Variants in TNRC6B observed in about 807,000 individuals in gnomAD.
TNRC6B encodes the protein trinucleotide repeat-containing gene 6B protein.
In TNRC6B, 52 loss-of-function variants were observed where a neutral mutation model predicts 203.6. The observed-to-expected ratio is 0.26, with a 90% CI of 0.20 to 0.32. The LOEUF (loss-of-function observed/expected upper bound fraction) is 0.32, where lower values mean the gene tolerates loss of function less well. Among genes scored for constraint, TNRC6B ranks in the 10% least tolerant of loss-of-function variants. The probability of loss-of-function intolerance (pLI) is 1.00; values close to 1 mark genes in which losing one functional copy is unlikely to be tolerated. For missense variants in TNRC6B, 1,923 were observed against 2,286.2 expected (o/e 0.84, Z 3.24); for synonymous variants, 838 against 845.7 (o/e 0.99, Z 0.16).
chr22:40,323,014 G>C lies in TNRC6B; in HGVS notation c.5275G>C (p.Val1759Leu). 1 of 1,605,492 alleles carries C rather than the reference G, an allele frequency of 6.2e-7. No individual in the cohort carries two copies. The highest frequency in any genetic ancestry group is 8.5e-7 in the Non-Finnish European group (1 of 1,175,720). ...LETGQNQSDP[V>L]GPALNLFGGS... ...GACCGGCCAGAACCAGTCAGATCCC[G>C]TGGGACCTGCTCTGAATCTTTTTGG... Residue 1759 changes from valine (V) to leucine (L), a missense_variant, in exon 23 of 23, where the codon GTG becomes CTG. By Grantham distance (32) the Val-to-Leu change is conservative (BLOSUM62 1). Coordinates refer to ENST00000454349, the MANE Select transcript of TNRC6B (RefSeq NM_001162501.2).
At chr22:40,172,047 T>C (rs1293915060) in intron 4 of TNRC6B, among the ~76,000 whole-genome samples, 3 of 151,948 alleles carry the variant, frequency 2.0e-5, no homozygotes, top group African/African-American at 7.3e-5. Context: ...TTTTTATTTT[T>C]TTGGTATTTT....
intron 1 of TNRC6B, among the ~76,000 whole-genome samples, chr22:40,202,332 A>G (rs1353064696): frequency 6.6e-6 from 1 of 151,358 alleles, no homozygotes; most frequent in Non-Finnish European, 1.5e-5. Flanking sequence ...TTTAACAAGA[A>G]TGTTGCCACT....
At chr22:40,114,894 G>T (rs1018774194) in intron 1 of TNRC6B, among the ~76,000 whole-genome samples, 1 of 152,168 alleles carries the variant, frequency 6.6e-6, no homozygotes, top group Non-Finnish European at 1.5e-5. Flanking sequence ...AAATAGTGCT[G>T]TAGGTAACTT....
intron 3 of TNRC6B, among the ~76,000 whole-genome samples, chr22:40,151,445 A>G (rs1156821101): frequency 2.0e-5 from 3 of 150,804 alleles, no homozygotes; most frequent in East Asian, 2.0e-4. Context: ...AAGCTGAAGC[A>G]GGGAGAATCT....
chr22:40,049,537 G>A (rs1306205909), intron 1 of TNRC6B, among the ~76,000 whole-genome samples: 3 of 151,932 alleles, frequency 2.0e-5, no homozygotes, highest in African/African-American at 7.3e-5. Context: ...GTATATGCTA[G>A]CCTGCATATC....
intron 1 of TNRC6B, among the ~76,000 whole-genome samples, chr22:40,062,073 CAAAAAT>C (rs1569247191): frequency 6.6e-6 from 1 of 152,072 alleles, no homozygotes; most frequent in Non-Finnish European, 1.5e-5. Flanking sequence ...GACTCTGTCT[CAAAAAT>C]AAAAAGAAAA....
chr22:40,181,555 A>G (rs1394413400), intron 1 of TNRC6B, among the ~76,000 whole-genome samples: 1 of 152,188 alleles, frequency 6.6e-6, no homozygotes, highest in Non-Finnish European at 1.5e-5. Context: ...GATCGTCACA[A>G]CTTGGCAGTT....
intron 22 of TNRC6B, 62 bp from the exon 23 acceptor site, chr22:40,322,791 CT>C (rs1456876948): frequency 6.3e-6 from 10 of 1,593,424 alleles, no homozygotes; most frequent in Non-Finnish European, 8.6e-6. Context: ...ACTGCAGTCG[CT>C]CCCTCCGTAT....
chr22:40,232,515 T>C (rs547098475), intron 1 of TNRC6B, among the ~76,000 whole-genome samples: 1 of 152,304 alleles, frequency 6.6e-6, no homozygotes, highest in South Asian at 2.1e-4. Flanking sequence ...AAGAACTTCC[T>C]TCCCAGCTGC....
At position 40,177,973 on chromosome 22, in the gene TNRC6B, A is replaced by C; in HGVS notation, c.-163A>C. ...GCAAGAGGGAGAGTGTGTGAGAGAG[A>C]GTTAGTTCAAGCCAAAATGGCCGAC... On this transcript the variant is annotated 5_prime_UTR_variant, in exon 1 of 23. Coordinates refer to ENST00000454349, the MANE Select transcript of TNRC6B (RefSeq NM_001162501.2). The C allele has an allele frequency of 6.8e-7, 1 of 1,473,434 alleles. No individual in the cohort carries two copies. The highest frequency in any genetic ancestry group is 8.9e-7 in the Non-Finnish European group (1 of 1,119,928). 91.3% of individuals were successfully genotyped at this position (1,473,434 alleles called of 1,614,324 possible).
At chr22:40,093,088 A>T (rs530296006) in intron 1 of TNRC6B, among the ~76,000 whole-genome samples, 59 of 152,384 alleles carry the variant, frequency 3.9e-4, no homozygotes, top group African/African-American at 1.4e-3. Context: ...ACTTGAAAAC[A>T]TGCTGTGCAT....
At position 40,325,177 on chromosome 22, in the gene TNRC6B, C is replaced by G. The variant is rs1219979430; in HGVS notation, c.*1936C>G. ...CTTGGTGGGAGCAGACCTCTACTGT[C>G]CTCTGTAACTTGCTGCTATTGAGGA... On this transcript the variant is annotated 3_prime_UTR_variant, in exon 23 of 23. Coordinates refer to ENST00000454349, the MANE Select transcript of TNRC6B (RefSeq NM_001162501.2). 6.6e-6 allele frequency: 1 copy of G among 152,640 alleles called. No homozygotes were observed. Among genetic ancestry groups the G allele is most frequent in the Non-Finnish European group, 1.5e-5 (1 of 68,050 alleles). 9.5% of individuals were successfully genotyped at this position (152,640 alleles called of 1,614,324 possible).
chr22:40,170,819 GT>G (rs2068981768), intron 4 of TNRC6B, among the ~76,000 whole-genome samples: 2 of 33,646 alleles, frequency 5.9e-5, no homozygotes, highest in African/African-American at 6.7e-4. Flanking sequence ...GTACATATAT[GT>G]GTGTGTATAT....
At chr22:40,086,860 G>C (rs552609355) in intron 1 of TNRC6B, among the ~76,000 whole-genome samples, 3 of 152,324 alleles carry the variant, frequency 2.0e-5, no homozygotes, top group Non-Finnish European at 4.4e-5. Context: ...GTCCAGTGAA[G>C]AGAGATGCTA....
rs1315685625 is a variant in TNRC6B, at chr22:40,278,063, A to G, written c.3262+19A>G. ...TCTGTAGGTGTGTATCACTCCGCTG[A>G]AAAGAATGGAGTATATCAGTGTTAC... is the stretch of plus-strand genomic sequence containing the variant. On this transcript the variant is annotated intron_variant, in intron 9 of 22. Transcript: ENST00000454349. The G allele has an allele frequency of 2.6e-6, 4 of 1,551,600 alleles. No homozygotes were observed. In the South Asian group the frequency reaches 3.6e-5, roughly 14 times the overall value.
In TNRC6B at chr22:40,266,342, C is replaced by T; in HGVS notation, c.2112C>T (p.Asn704=). ...GAGGCTGGAATGACTACAAGAACAA[C>T]AACTCTTCCAACTGGGGAGGAGGAC... is the stretch of plus-strand genomic sequence containing the variant. The part of the protein sequence containing the change: ...NTGGWNDYKN[N]NSSNWGGGRP... Residue 704 remains asparagine, a synonymous_variant, in exon 5 of 23, where the codon AAC becomes AAT. Coordinates refer to ENST00000454349, the MANE Select transcript of TNRC6B (RefSeq NM_001162501.2). 6.2e-7 allele frequency: 1 copy of T among 1,607,692 alleles called. No homozygotes were observed. Among genetic ancestry groups the T allele is most frequent in the Non-Finnish European group, 8.5e-7 (1 of 1,176,850 alleles).
At position 40,244,735 on chromosome 22, in the gene TNRC6B, T is replaced by C. The variant is rs548165494; in HGVS notation, c.6-1280T>C. 9.8e-5 allele frequency among the ~76,000 whole-genome samples: 15 copies of C among 152,312 alleles called. No individual in the cohort carries two copies. In the East Asian group the frequency reaches 2.9e-3, roughly 29 times the overall value. ...TTATCTGTTCGGTATTCTGAGGCCC[T>C]GGGAACTAGATCTTTAAGTCTCCTT... is the stretch of plus-strand genomic sequence containing the variant. On this transcript the variant is annotated intron_variant, in intron 1 of 22. Transcript: ENST00000454349.
chr22:40,045,775 C>CA (rs2067682651), intron 1 of TNRC6B, among the ~76,000 whole-genome samples: 1 of 152,222 alleles, frequency 6.6e-6, no homozygotes, highest in Non-Finnish European at 1.5e-5. Flanking sequence ...TCCAGCGAGA[C>CA]ACGCTGTAGT....
intron 1 of TNRC6B, among the ~76,000 whole-genome samples, chr22:40,064,875 C>G (rs9623119): frequency 0.011 from 1,694 of 152,184 alleles, 34 homozygotes; most frequent in African/African-American, 0.039. Flanking sequence ...CCTCGGCCTT[C>G]CAAAGTGCTG....
Sources: allele counts gnomAD v4.1 joint callset (sites outside exome capture counted in the v4.1 genomes callset), GRCh38; gene constraint gnomAD v4.1.1; transcripts MANE v1.5; gene names NCBI Gene and HGNC (gene_info 2026-07-23, HGNC 2026-07-21).